Variants in CCDC83 observed in about 807,000 individuals in gnomAD.
CCDC83 encodes coiled-coil domain containing 83.
Under a neutral mutation model 50.1 loss-of-function variants are expected in CCDC83, and 54 were observed. That is an observed-to-expected ratio of 1.08 (90% CI 0.87 to 1.35). CCDC83 has a LOEUF of 1.35. Among genes scored for constraint, CCDC83 ranks in the 40% most tolerant of loss-of-function variants. The probability of loss-of-function intolerance (pLI) is 0.00; values close to 1 mark genes in which losing one functional copy is unlikely to be tolerated. For missense variants in CCDC83, 518 were observed against 473.9 expected, an observed-to-expected ratio of 1.09 and a Z score of -0.86; for synonymous variants, 161 against 153.3, an observed-to-expected ratio of 1.05 and a Z score of -0.37.
chr11:85,901,165 G>C (rs1230427865), intron 7 of CCDC83, among the ~76,000 whole-genome samples: 2 of 151,910 alleles, frequency 1.3e-5, no homozygotes, highest in Non-Finnish European at 2.9e-5. Flanking sequence ...GCAGGAGTTT[G>C]AGACCAGCCT....
chr11:85,911,359 G>C lies in CCDC83; in HGVS notation c.751G>C (p.Asp251His). 4 of 1,611,598 alleles carry C rather than the reference G, an allele frequency of 2.5e-6. No homozygotes were observed. Among genetic ancestry groups the C allele is most frequent in the Non-Finnish European group, 3.4e-6 (4 of 1,178,992 alleles). The stretch of plus-strand genomic sequence containing the variant: ...GGAAGCAGAAAATTTGGTGCTTATT[G>C]ATCAACTATCCAACTGTAGACTTGT... Reference protein sequence around the residue: ...ELEAENLVLIDQLSNCRLVDL... With the variant: ...ELEAENLVLIHQLSNCRLVDL... Residue 251 changes from aspartate to histidine, a missense_variant, in exon 8 of 11, where the codon GAT (aspartate) becomes CAT (histidine). Physicochemically the swap from Asp to His is moderately conservative, Grantham distance 81 (BLOSUM62 -1). Transcript: ENST00000342404.
Position 85,916,143 on chromosome 11 carries a change from T to A in CCDC83, c.990T>A (p.Tyr330Ter). Reference protein sequence around the residue: ...SHENSIEDLQYVKIDKEENSG... With the variant: ...SHENSIEDLQ Reference sequence around the variant, plus strand: ...AAAATAGCATCGAAGATCTCCAGTATGTGAAGATAGATAAAGAGGAAAACT... The same window carrying A: ...AAAATAGCATCGAAGATCTCCAGTAAGTGAAGATAGATAAAGAGGAAAACT... The change falls in exon 10 of 11, where the codon TAT (tyrosine) becomes TAA (stop). Residue 330 changes from tyrosine (Y) to a stop codon, truncating the protein, a stop_gained. Transcript: ENST00000342404. LOFTEE classifies it high-confidence loss of function. 1 of 1,612,222 alleles carries A rather than the reference T, an allele frequency of 6.2e-7. No individual in the cohort carries two copies. The highest frequency in any genetic ancestry group is 1.1e-5 in the South Asian group (1 of 91,032).
chr11:85,917,134 A>AAGAGAGAGAG (rs201907138), intron 10 of CCDC83, among the ~76,000 whole-genome samples: 1,696 of 77,844 alleles, frequency 0.022, 30 homozygotes, highest in African/African-American at 0.03. Flanking sequence ...AAGAAAAAGA[A>AAGAGAGAGAG]AGAGAGAGAG....
chr11:85,906,920 A>T (rs1194517015), intron 7 of CCDC83, among the ~76,000 whole-genome samples: 2 of 151,774 alleles, frequency 1.3e-5, no homozygotes, highest in Non-Finnish European at 2.9e-5. Context: ...ATTAAATTAA[A>T]TAAATAACAA....
intron 1 of CCDC83, among the ~76,000 whole-genome samples, chr11:85,858,330 C>G (rs1266613649): frequency 6.6e-6 from 1 of 152,222 alleles, no homozygotes; most frequent in Non-Finnish European, 1.5e-5. Context: ...AGCCCATTAC[C>G]TGTACTTGTC....
chr11:85,890,057 C>A (rs1161554256), intron 5 of CCDC83, among the ~76,000 whole-genome samples: 1 of 152,096 alleles, frequency 6.6e-6, no homozygotes, highest in East Asian at 1.9e-4. Flanking sequence ...CTACTCTTTC[C>A]CCCACCGAGG....
At chr11:85,895,089 G>T (rs2093366567) in intron 5 of CCDC83, among the ~76,000 whole-genome samples, 1 of 151,858 alleles carries the variant, frequency 6.6e-6, no homozygotes, top group Non-Finnish European at 1.5e-5. Flanking sequence ...CCTGGCCCAG[G>T]AAACATATGC....
chr11:85,889,438 T>G (rs571462412), intron 5 of CCDC83, among the ~76,000 whole-genome samples: 1 of 152,376 alleles, frequency 6.6e-6, no homozygotes, highest in South Asian at 2.1e-4. Context: ...TAAAAACATT[T>G]ATATATTGAA....
chr11:85,917,217 A>AGAAG (rs2135159096), intron 10 of CCDC83, among the ~76,000 whole-genome samples: 4 of 141,058 alleles, frequency 2.8e-5, no homozygotes, highest in African/African-American at 1.0e-4. Context: ...AAGGAAAGAA[A>AGAAG]GAAAGAAAGA....
Position 85,919,457 on chromosome 11 carries a change from G to A in CCDC83, c.1189G>A (p.Val397Ile). Reference protein sequence around the residue: ...KEIPVKLYKDVRSPESHITYK... With the variant: ...KEIPVKLYKDIRSPESHITYK... ...AATTCCAGTCAAACTCTATAAAGATGTCAGGAGCCCAGAAAGCCACATCAC... is the reference window on the plus strand; with the variant it reads ...AATTCCAGTCAAACTCTATAAAGATATCAGGAGCCCAGAAAGCCACATCAC... Residue 397 changes from valine to isoleucine, a missense_variant, in exon 11 of 11, where the codon GTC (valine) becomes ATC (isoleucine). Val to Ile is a conservative substitution (Grantham distance 29). Coordinates refer to ENST00000342404, the MANE Select transcript of CCDC83 (RefSeq NM_001286159.2). 6.2e-7 allele frequency: 1 copy of A among 1,612,748 alleles called. No homozygotes were observed.
In CCDC83 at chr11:85,895,287, T is replaced by TTTTTTAAA; in HGVS notation, c.512-5_512-4insTTTTAAAT. 1 of 839,696 alleles carries TTTTTTAAA rather than the reference T, an allele frequency of 1.2e-6. No individual in the cohort carries two copies. The highest frequency in any genetic ancestry group is 1.8e-6 in the Non-Finnish European group (1 of 559,420). The allele number at this position is 839,696 out of a possible 1,614,324, so 52.0% of individuals were successfully genotyped here. A position where few individuals can be genotyped will look rare whatever the true frequency, so the allele number is the denominator to read the frequency against. ...TTCTTTTTTTTTTTTTTTTTTTTTT[T>TTTTTTAAA]TAAAGAACACTATAAAATCACTCTG... On this transcript the variant is annotated splice_region_variant and splice_polypyrimidine_tract_variant and intron_variant, in intron 5 of 10. Transcript: ENST00000342404.
chr11:85,900,830 T>C (rs2093397760), intron 7 of CCDC83, among the ~76,000 whole-genome samples: 1 of 152,034 alleles, frequency 6.6e-6, no homozygotes, highest in Admixed American at 6.6e-5. Context: ...TTTGGGAGGC[T>C]GAGGAGGGCA....
At chr11:85,857,775 C>G (rs1262418806) in intron 1 of CCDC83, among the ~76,000 whole-genome samples, 1 of 152,096 alleles carries the variant, frequency 6.6e-6, no homozygotes, top group Admixed American at 6.5e-5. Context: ...GTGCCCAGGC[C>G]CTGTGGGGTT....
At chr11:85,861,466 T>C (rs1025336013) in intron 1 of CCDC83, among the ~76,000 whole-genome samples, 5 of 152,200 alleles carry the variant, frequency 3.3e-5, no homozygotes, top group African/African-American at 1.2e-4. Flanking sequence ...AATAGAGATC[T>C]TTTATATCAT....
intron 8 of CCDC83, among the ~76,000 whole-genome samples, chr11:85,913,680 A>C (rs771091549): frequency 1.3e-5 from 2 of 152,134 alleles, no homozygotes; most frequent in Non-Finnish European, 2.9e-5. Context: ...CTATGTAGTT[A>C]CTCAAACTTT....
chr11:85,891,695 G>A (rs1052671980), intron 5 of CCDC83, among the ~76,000 whole-genome samples: 8 of 152,158 alleles, frequency 5.3e-5, no homozygotes, highest in Non-Finnish European at 7.4e-5. Flanking sequence ...TATAAAATCA[G>A]AGTCCCTAGG....
chr11:85,883,941 A>G (rs1057336671), intron 4 of CCDC83, among the ~76,000 whole-genome samples: 1 of 152,176 alleles, frequency 6.6e-6, no homozygotes, highest in Non-Finnish European at 1.5e-5. Context: ...GGCAATAGGG[A>G]TGTCATGACA....
In CCDC83 at chr11:85,911,420, A is replaced by G. The variant is rs199965022; in HGVS notation, c.794+18A>G. 46 of 1,540,808 alleles carry G rather than the reference A, an allele frequency of 3.0e-5. 1 individual carries two copies. The African/African-American group carries it at 5.2e-4, about 17-fold the overall frequency. The stretch of plus-strand genomic sequence containing the variant: ...ATACCCAGGTGAAAATTGTTAATAT[A>G]TAGAGAGTATTTTGTAAACATTTGT... On this transcript the variant is annotated intron_variant, in intron 8 of 10. Transcript: ENST00000342404.
At chr11:85,887,426 G>C (rs1451512532) in intron 5 of CCDC83, among the ~76,000 whole-genome samples, 2 of 152,274 alleles carry the variant, frequency 1.3e-5, no homozygotes, top group Admixed American at 1.3e-4. Context: ...CCCCCTATCA[G>C]GGCTCTCTGC....
Sources: gnomAD v4.1 joint callset for allele counts (sites outside exome capture counted in the v4.1 genomes callset) on GRCh38, gnomAD v4.1.1 for gene constraint, MANE v1.5 for transcripts, NCBI Gene and HGNC (gene_info 2026-07-23, HGNC 2026-07-21) for gene names.